ZNF571: variants seen among roughly 807,000 people sequenced by gnomAD.
ZNF571 encodes zinc finger protein 571.
ZNF571 carries 4 observed loss-of-function variants against 7.7 expected under a neutral mutation model. That is an observed-to-expected ratio of 0.52 (90% CI 0.25 to 1.18). The LOEUF (loss-of-function observed/expected upper bound fraction) is 1.18, where lower values mean the gene tolerates loss of function less well. Ranked by LOEUF, ZNF571 falls within the 50% of genes most tolerant of loss-of-function variation. The pLI is 0.14. For missense variants in ZNF571, 704 were observed against 726.9 expected, an observed-to-expected ratio of 0.97 and a Z score of 0.36; for synonymous variants, 251 against 232.4, an observed-to-expected ratio of 1.08 and a Z score of -0.73.
chr19:37,583,838 C>T lies in ZNF571; in HGVS notation c.136+133G>A, dbSNP rs948447450. The stretch of plus-strand genomic sequence containing the variant: ...CTAAAGGATAAGAGATAAAAAGGTA[C>T]ACGGTGGAGCTGTCCATTTCTACTT... On this transcript the variant is annotated intron_variant, in intron 3 of 3. Transcript: ENST00000451802. The T allele has an allele frequency of 7.1e-6, 6 of 841,240 alleles. No homozygotes were observed. In the African/African-American group the frequency reaches 1.0e-4, roughly 14 times the overall value. The allele number at this position is 841,240 out of a possible 1,614,324, so 52.1% of individuals were successfully genotyped here.
In ZNF571 at chr19:37,569,141, T is replaced by C. The variant is rs895150472; in HGVS notation, c.137-2850A>G. Among the ~76,000 whole-genome samples the C allele has an allele frequency of 2.6e-5, 4 of 152,006 alleles. No homozygotes were observed. Among genetic ancestry groups the C allele is most frequent in the African/African-American group, 9.7e-5 (4 of 41,340 alleles). On this transcript the variant is annotated intron_variant, in intron 3 of 3. Coordinates refer to ENST00000451802, the MANE Select transcript of ZNF571 (RefSeq NM_016536.5). This position sits in a 1 kb window ranked among gnomAD's most constrained non-coding sequence, Gnocchi z 4.4. ...CTCATTTTTGTATTTTTAGTAGAGATAGGCCTTCACCATATTGGTCAGGCT... is the reference window on the plus strand; with the variant it reads ...CTCATTTTTGTATTTTTAGTAGAGACAGGCCTTCACCATATTGGTCAGGCT...
At position 37,565,633 on chromosome 19, in the gene ZNF571, T is replaced by C. The variant is rs1256981780; in HGVS notation, c.795A>G (p.Gln265=). ...TATGAATTCTCTGATGAAGAGTATA[T>C]TGTGAACAATAACTAAAGGCTTTTC... ...KCGKAFSYCS[Q]YTLHQRIHSG... The change falls in exon 4 of 4, where the codon CAA becomes CAG. Residue 265 remains glutamine (Q), a synonymous_variant. Transcript: ENST00000451802. The C allele has an allele frequency of 1.9e-6, 3 of 1,613,344 alleles. No homozygotes were observed. The highest frequency in any genetic ancestry group is 2.5e-6 in the Non-Finnish European group (3 of 1,179,790).
intron 1 of ZNF571, among the ~76,000 whole-genome samples, chr19:37,588,193 A>G (rs1449960857): frequency 6.6e-6 from 1 of 151,692 alleles, no homozygotes; most frequent in Non-Finnish European, 1.5e-5. Context: ...AGTTAATAGG[A>G]TATTTGACAT....
chr19:37,584,059 A>G lies in ZNF571; in HGVS notation c.48T>C (p.Ser16=), dbSNP rs1269357143. ...VTFRDVAIDF[S]QEEWECLDPA... ...GGTCCAGGCATTCCCATTCCTCCTGAGAGAAGTCAATGGCCACATCCCTGA... is the reference window on the plus strand; with the variant it reads ...GGTCCAGGCATTCCCATTCCTCCTGGGAGAAGTCAATGGCCACATCCCTGA... The change falls in exon 3 of 4, where the codon TCT becomes TCC. Residue 16 remains serine (S), a synonymous_variant. Coordinates refer to ENST00000451802, the MANE Select transcript of ZNF571 (RefSeq NM_016536.5). 1.2e-6 allele frequency: 2 copies of G among 1,614,044 alleles called. No homozygotes were observed. Among genetic ancestry groups the G allele is most frequent in the Non-Finnish European group, 1.7e-6 (2 of 1,180,010 alleles).
At chr19:37,585,817 A>C (rs745352629) in intron 2 of ZNF571, 3 of 152,184 alleles carry the variant, frequency 2.0e-5, no homozygotes, top group Non-Finnish European at 4.4e-5. Flanking sequence ...GTTATCCTGG[A>C]TTATCTGGTT....
intron 3 of ZNF571, among the ~76,000 whole-genome samples, chr19:37,573,602 G>A (rs567277209): frequency 9.9e-5 from 15 of 151,766 alleles, no homozygotes; most frequent in African/African-American, 3.6e-4. Flanking sequence ...TGAGTCAGGA[G>A]GATCGCTTGG....
At chr19:37,578,374 C>G (rs1211178581) in intron 3 of ZNF571, among the ~76,000 whole-genome samples, 3 of 152,142 alleles carry the variant, frequency 2.0e-5, no homozygotes, top group African/African-American at 7.2e-5. Context: ...GTGAGAGTCC[C>G]TGGGGAAGCC....
At position 37,569,422 on chromosome 19, in the gene ZNF571, CT is replaced by C. The variant is rs1455998477; in HGVS notation, c.137-3132del. ...AAATTGGAGGGATAAAATCTAAACT[CT>C]TCTGCAGTATTTTTCAAACTTCTTT... On this transcript the variant is annotated intron_variant, in intron 3 of 3. Coordinates refer to ENST00000451802, the MANE Select transcript of ZNF571 (RefSeq NM_016536.5). This position sits in a 1 kb window ranked among gnomAD's most constrained non-coding sequence, Gnocchi z 4.4. Among the ~76,000 whole-genome samples the C allele has an allele frequency of 1.1e-4, 16 of 152,270 alleles. No individual in the cohort carries two copies. The highest frequency in any genetic ancestry group is 8.8e-5 in the Non-Finnish European group (6 of 68,030).
chr19:37,586,989 G>A, intron 1 of ZNF571: 1 of 332,764 alleles, frequency 3.0e-6, no homozygotes, highest in Non-Finnish European at 5.4e-6. Context: ...GTAGAACAGA[G>A]GCATGCCCAG....
intron 1 of ZNF571, among the ~76,000 whole-genome samples, chr19:37,588,854 T>G (rs973513446): frequency 6.6e-6 from 1 of 152,150 alleles, no homozygotes; most frequent in African/African-American, 2.4e-5. Flanking sequence ...GGAACCCCAT[T>G]TTATAACACA....
chr19:37,566,315 T>A, intron 3 of ZNF571, 24 bp from the exon 4 acceptor site: 1 of 1,565,820 alleles, frequency 6.4e-7, no homozygotes, highest in Non-Finnish European at 8.6e-7. Context: ...AGAAAGCAAA[T>A]TCCTGCTTTT....
chr19:37,590,358 A>T (rs1337996139), intron 1 of ZNF571, among the ~76,000 whole-genome samples: 1 of 152,138 alleles, frequency 6.6e-6, no homozygotes. Context: ...CGGAGCTTGC[A>T]GTGAGCCAAG....
intron 1 of ZNF571, among the ~76,000 whole-genome samples, chr19:37,590,795 G>A (rs1246217381): frequency 6.6e-6 from 1 of 152,112 alleles, no homozygotes; most frequent in Non-Finnish European, 1.5e-5. Flanking sequence ...TGTGAGTACT[G>A]ATTTTTAATT....
chr19:37,571,170 A>G (rs374111050), intron 3 of ZNF571, among the ~76,000 whole-genome samples: 17 of 152,292 alleles, frequency 1.1e-4, no homozygotes, highest in African/African-American at 3.4e-4. Flanking sequence ...ACTGCCCATG[A>G]CCACACAACA....
intron 3 of ZNF571, among the ~76,000 whole-genome samples, chr19:37,568,385 T>C (rs2042939295): frequency 2.0e-5 from 3 of 148,254 alleles, no homozygotes; most frequent in African/African-American, 7.5e-5. Context: ...CAACACATCC[T>C]AGAACAAGAT....
At chr19:37,586,642 C>T (rs2147204246) in intron 2 of ZNF571, 26 bp downstream of exon 2, 7 of 1,613,498 alleles carry the variant, frequency 4.3e-6, no homozygotes, top group Admixed American at 1.7e-5. Flanking sequence ...GATTGTACTT[C>T]AAGAAGGAAA....
intron 3 of ZNF571, among the ~76,000 whole-genome samples, chr19:37,577,497 G>T (rs1255067896): frequency 6.6e-6 from 1 of 152,084 alleles, no homozygotes; most frequent in Non-Finnish European, 1.5e-5. Flanking sequence ...ATGCAAAGAT[G>T]AAAGAATATT....
chr19:37,585,730 C>A (rs2043648729), intron 2 of ZNF571: 1 of 152,186 alleles, frequency 6.6e-6, no homozygotes, highest in Admixed American at 6.5e-5. Flanking sequence ...AATTTCGTTA[C>A]AAAACCTATG....
rs1183481505 is a variant in ZNF571 at position 37,565,526 on chromosome 19, T to C, written c.902A>G (p.His301Arg). The change falls in exon 4 of 4, where the codon CAT becomes CGT. Residue 301 changes from histidine to arginine, a missense_variant. Coordinates refer to ENST00000451802, the MANE Select transcript of ZNF571 (RefSeq NM_016536.5). ...ACACTCATAAGGTTTCTCACCACTA[T>C]GAATTCTCTGATGGTAAGTAAGTTG... ...GSQLTYHQRIHSGEKPYECKE... is the reference protein window; with the variant it reads ...GSQLTYHQRIRSGEKPYECKE... 1 of 1,613,802 alleles carries C rather than the reference T, an allele frequency of 6.2e-7. No homozygotes were observed. The highest frequency in any genetic ancestry group is 1.7e-5 in the Admixed American group (1 of 59,974).
Sources: allele counts gnomAD v4.1 joint callset (sites outside exome capture counted in the v4.1 genomes callset), GRCh38; gene constraint gnomAD v4.1.1; non-coding constraint Gnocchi (gnomAD v3.1); transcripts MANE v1.5; gene names NCBI Gene and HGNC (gene_info 2026-07-23, HGNC 2026-07-21).